The following ADCY2 variants were observed in gnomAD, a reference collection of about 807,000 sequenced individuals.
The protein encoded by ADCY2 is adenylate cyclase 2, also known as adenylate cyclase type 2.
In ADCY2, 31 loss-of-function variants were observed where a neutral mutation model predicts 125.2. The observed-to-expected ratio is 0.25, with a 90% confidence interval of 0.19 to 0.33. The LOEUF (loss-of-function observed/expected upper bound fraction) is 0.33. ADCY2 is among the 10% of genes least tolerant of loss of function. ADCY2 has a pLI of 1.00. For synonymous variants in ADCY2, 512 were observed against 548.4 expected, an observed-to-expected ratio of 0.93 and a Z score of 0.93; for missense variants, 904 against 1,418.2, an observed-to-expected ratio of 0.64 and a Z score of 5.82.
At chr5:7,628,305 A>G (rs185966312) in intron 4 of ADCY2, among the ~76,000 whole-genome samples, 1 of 152,330 alleles carries the variant, frequency 6.6e-6, no homozygotes, top group Admixed American at 6.5e-5. Flanking sequence ...AGCTACAGAG[A>G]ACAGAAATTC....
At chr5:7,561,611 T>C (rs1399608248) in intron 3 of ADCY2, among the ~76,000 whole-genome samples, 2 of 142,204 alleles carry the variant, frequency 1.4e-5, no homozygotes, top group African/African-American at 6.2e-5. Flanking sequence ...TTTGCAGTAA[T>C]GTTAAAATGT....
At position 7,702,931 on chromosome 5, in the gene ADCY2, G is replaced by T. The variant is rs888323715; in HGVS notation, c.1110-3813G>T. 6.0e-4 allele frequency among the ~76,000 whole-genome samples: 91 copies of T among 152,230 alleles called. 1 individual carries two copies. Among genetic ancestry groups the T allele is most frequent in the Non-Finnish European group, 9.3e-4 (63 of 68,044 alleles). On this transcript the variant is annotated intron_variant, in intron 7 of 24. Transcript: ENST00000338316. ...TAATGATCGCCATTCTGACTGGTGT[G>T]AGTTGGTATCTCATTGTGGTTTTGA...
intron 11 of ADCY2, among the ~76,000 whole-genome samples, chr5:7,716,473 A>G (rs965903120): frequency 2.0e-5 from 3 of 152,230 alleles, no homozygotes; most frequent in African/African-American, 2.4e-5. Flanking sequence ...CTTTATCTCA[A>G]ACACCGAGTA....
At chr5:7,801,605 C>T (rs1037123229) in intron 20 of ADCY2, 2 of 152,192 alleles carry the variant, frequency 1.3e-5, no homozygotes, top group African/African-American at 4.8e-5. Flanking sequence ...ATTGTGTTTA[C>T]AAGACACTGC....
At chr5:7,407,218 C>T (rs1467463969) in intron 1 of ADCY2, among the ~76,000 whole-genome samples, 1 of 152,190 alleles carries the variant, frequency 6.6e-6, no homozygotes, top group East Asian at 1.9e-4. Context: ...ATTATCTCCA[C>T]AGTTACTCAG....
chr5:7,467,102 G>T (rs746144426), intron 2 of ADCY2, among the ~76,000 whole-genome samples: 2 of 152,206 alleles, frequency 1.3e-5, no homozygotes, highest in Admixed American at 6.5e-5. Flanking sequence ...CTTGTTTGGA[G>T]ATAAGAGAGA....
At chr5:7,637,738 A>G (rs1179582054) in intron 4 of ADCY2, among the ~76,000 whole-genome samples, 1 of 152,320 alleles carries the variant, frequency 6.6e-6, no homozygotes, top group South Asian at 2.1e-4. Context: ...AAGGTATATT[A>G]AAGTAAAAAT....
intron 4 of ADCY2, among the ~76,000 whole-genome samples, chr5:7,678,661 G>A (rs557238199): frequency 6.6e-6 from 1 of 152,268 alleles, no homozygotes; most frequent in South Asian, 2.1e-4. Flanking sequence ...CTTTTCTGCT[G>A]TCACCCTCAA....
intron 3 of ADCY2, among the ~76,000 whole-genome samples, chr5:7,546,443 G>A (rs546135211): frequency 1.1e-4 from 17 of 152,244 alleles, no homozygotes; most frequent in African/African-American, 4.1e-4. Flanking sequence ...TGTGAAGACC[G>A]AGCCTGGGAG....
chr5:7,525,273 C>T (rs1734419175), intron 3 of ADCY2, among the ~76,000 whole-genome samples: 1 of 152,196 alleles, frequency 6.6e-6, no homozygotes, highest in South Asian at 2.1e-4. Flanking sequence ...TTCCAAAGTG[C>T]TAGGATTACA....
chr5:7,468,819 G>A (rs535879297), intron 2 of ADCY2, among the ~76,000 whole-genome samples: 1 of 152,228 alleles, frequency 6.6e-6, no homozygotes, highest in East Asian at 1.9e-4. Flanking sequence ...CAAGTCATTG[G>A]AAACCAAATG....
intron 2 of ADCY2, among the ~76,000 whole-genome samples, chr5:7,513,164 GGAGAA>G (rs946179130): frequency 6.6e-6 from 1 of 151,822 alleles, no homozygotes; most frequent in Admixed American, 6.6e-5. Context: ...TGGGGAGAGA[GGAGAA>G]GAGAAAAGAA....
chr5:7,426,854 T>A (rs1483161364), intron 2 of ADCY2, among the ~76,000 whole-genome samples: 1 of 152,116 alleles, frequency 6.6e-6, no homozygotes, highest in African/African-American at 2.4e-5. Flanking sequence ...AAATGAGGAA[T>A]GGCCATGGGA....
intron 14 of ADCY2, among the ~76,000 whole-genome samples, chr5:7,740,990 C>A (rs1370394988): frequency 6.6e-6 from 1 of 151,752 alleles, no homozygotes; most frequent in African/African-American, 2.4e-5. Context: ...AATAATAAAC[C>A]AAACACTTAT....
intron 2 of ADCY2, among the ~76,000 whole-genome samples, chr5:7,501,649 C>CCG (rs1554014543): frequency 9.4e-5 from 7 of 74,746 alleles, no homozygotes; most frequent in African/African-American, 3.0e-4. Context: ...TCCCCCCTCC[C>CCG]CCCCCCCCCG....
chr5:7,649,138 T>C (rs1738997907), intron 4 of ADCY2, among the ~76,000 whole-genome samples: 2 of 152,264 alleles, frequency 1.3e-5, no homozygotes, highest in South Asian at 4.1e-4. Flanking sequence ...CCTGCTCTGC[T>C]TCTCATTTGG....
At chr5:7,477,150 A>G (rs2126466263) in intron 2 of ADCY2, among the ~76,000 whole-genome samples, 1 of 152,204 alleles carries the variant, frequency 6.6e-6, no homozygotes, top group Non-Finnish European at 1.5e-5. Flanking sequence ...TCCTCTAATG[A>G]TAATGGATTA....
intron 4 of ADCY2, among the ~76,000 whole-genome samples, chr5:7,648,920 T>G (rs893787075): frequency 2.6e-5 from 4 of 152,166 alleles, no homozygotes; most frequent in African/African-American, 9.7e-5. Flanking sequence ...GCTATAGAAC[T>G]TAGTGGACAT....
chr5:7,627,647 C>G (rs905221615), intron 4 of ADCY2, among the ~76,000 whole-genome samples: 1 of 152,182 alleles, frequency 6.6e-6, no homozygotes, highest in African/African-American at 2.4e-5. Flanking sequence ...AGTTAGTTCA[C>G]TCTATAAAAT....
Sources: gnomAD v4.1 joint callset for allele counts (sites outside exome capture counted in the v4.1 genomes callset) on GRCh38, gnomAD v4.1.1 for gene constraint, MANE v1.5 for transcripts, NCBI Gene and HGNC (gene_info 2026-07-23, HGNC 2026-07-21) for gene names.